The following CDC14A variants were observed in gnomAD, a reference collection of about 807,000 sequenced individuals.
CDC14A encodes the protein cell division cycle 14A, also known as dual specificity protein phosphatase CDC14A.
CDC14A carries 53 observed loss-of-function variants against 74.4 expected under a neutral mutation model. The ratio of observed to expected loss-of-function variants is 0.71; its 90% CI spans 0.57 to 0.89. CDC14A has a LOEUF of 0.89. Among genes scored for constraint, CDC14A ranks in the 40% least tolerant of loss-of-function variants. CDC14A has a pLI of 0.00. For missense variants in CDC14A, 646 were observed against 713.7 expected, an observed-to-expected ratio of 0.91 and a Z score of 1.08; for synonymous variants, 247 against 258.4, an observed-to-expected ratio of 0.96 and a Z score of 0.43.
At chr1:100,412,714 ATATATATAT>A (rs1452640025) in intron 4 of CDC14A, among the ~76,000 whole-genome samples, 1 of 100,888 alleles carries the variant, frequency 9.9e-6, no homozygotes, top group African/African-American at 6.0e-5. Flanking sequence ...ATATATATAT[ATATATATAT>A]TTTATATATA....
intron 5 of CDC14A, among the ~76,000 whole-genome samples, chr1:100,425,951 G>A (rs1662916569): frequency 6.6e-6 from 1 of 152,162 alleles, no homozygotes; most frequent in South Asian, 2.1e-4. Flanking sequence ...TAAGTATCTC[G>A]GACAAATTAC....
At chr1:100,462,291 G>A (rs1440175715) in intron 8 of CDC14A, 1 of 248,516 alleles carries the variant, frequency 4.0e-6, no homozygotes. Flanking sequence ...AGAGAATAAA[G>A]CTCAAGAGAG....
chr1:100,399,142 A>G (rs1329360169), intron 4 of CDC14A, among the ~76,000 whole-genome samples: 1 of 152,198 alleles, frequency 6.6e-6, no homozygotes, highest in Non-Finnish European at 1.5e-5. Flanking sequence ...ATTCTCTCGC[A>G]GTTCTAAACC....
intron 9 of CDC14A, among the ~76,000 whole-genome samples, chr1:100,465,946 T>C (rs886646431): frequency 5.9e-5 from 9 of 152,238 alleles, no homozygotes; most frequent in African/African-American, 2.2e-4. Flanking sequence ...TTACAAATGC[T>C]TAAAAAATTT....
At chr1:100,445,129 A>G (rs1192744989) in intron 7 of CDC14A, among the ~76,000 whole-genome samples, 1 of 152,192 alleles carries the variant, frequency 6.6e-6, no homozygotes, top group Non-Finnish European at 1.5e-5. Flanking sequence ...CTTATCTTGG[A>G]ATGATTTCTA....
intron 4 of CDC14A, chr1:100,391,062 C>A (rs1217222431): frequency 9.5e-6 from 5 of 523,814 alleles, no homozygotes; most frequent in Non-Finnish European, 1.4e-5. Context: ...GCTTGAATTC[C>A]ACAGTTATAT....
chr1:100,381,538 A>G (rs1044644910), intron 3 of CDC14A, among the ~76,000 whole-genome samples: 1 of 152,110 alleles, frequency 6.6e-6, no homozygotes, highest in Non-Finnish European at 1.5e-5. Context: ...CTTTATATAG[A>G]TAGGTAATAT....
At chr1:100,485,290 A>T (rs1201994647) in intron 11 of CDC14A, 2 of 985,236 alleles carry the variant, frequency 2.0e-6, no homozygotes, top group African/African-American at 1.7e-5. Context: ...TGGGCATTCA[A>T]TTCCTAGTTT....
chr1:100,346,553 G>A (rs1658944480), intron 1 of CDC14A, among the ~76,000 whole-genome samples: 1 of 150,988 alleles, frequency 6.6e-6, no homozygotes, highest in South Asian at 2.1e-4. Flanking sequence ...AATCATTCAA[G>A]CTTAGGAGGT....
At chr1:100,461,371 A>G (rs1258723413) in intron 8 of CDC14A, among the ~76,000 whole-genome samples, 2 of 152,266 alleles carry the variant, frequency 1.3e-5, no homozygotes, top group Admixed American at 6.5e-5. Flanking sequence ...GCTGACTAGC[A>G]TAACAGGGAT....
chr1:100,392,543 A>G (rs1230942502), intron 4 of CDC14A, among the ~76,000 whole-genome samples: 3 of 152,052 alleles, frequency 2.0e-5, no homozygotes, highest in African/African-American at 7.2e-5. Context: ...TGTTCAGCAC[A>G]TATTAAGCTT....
intron 15 of CDC14A, among the ~76,000 whole-genome samples, chr1:100,504,219 A>G (rs1210293084): frequency 6.6e-6 from 1 of 152,252 alleles, no homozygotes; most frequent in Admixed American, 6.5e-5. Context: ...AACTTATTAT[A>G]GCCTGTAATA....
intron 6 of CDC14A, among the ~76,000 whole-genome samples, chr1:100,441,108 T>G (rs1664880111): frequency 6.6e-6 from 1 of 152,236 alleles, no homozygotes; most frequent in African/African-American, 2.4e-5. Flanking sequence ...TTCTACCATC[T>G]GCTACAGGCC....
intron 4 of CDC14A, chr1:100,393,084 A>G (rs1228247016): frequency 1.4e-6 from 2 of 1,436,040 alleles, no homozygotes; most frequent in Non-Finnish European, 2.0e-6. Context: ...GTTGCTGTTT[A>G]ATTTGATAGA....
chr1:100,499,159 C>A lies in CDC14A; in HGVS notation c.1652C>A (p.Pro551Gln). 1.2e-6 allele frequency: 2 copies of A among 1,614,174 alleles called. No homozygotes were observed. The highest frequency in any genetic ancestry group is 1.7e-6 in the Non-Finnish European group (2 of 1,180,022). Residue 551 changes from proline (P) to glutamine (Q), a missense_variant, in exon 15 of 16, where the codon CCA becomes CAA. Pro to Gln is a moderately conservative substitution (Grantham distance 76). Coordinates refer to ENST00000336454, the MANE Select transcript of CDC14A (RefSeq NM_003672.4). Reference protein sequence around the residue: ...NSNGGNLNSPPGPHSAKTEEH... With the variant: ...NSNGGNLNSPQGPHSAKTEEH... ...AACGGGGGCAACCTGAACAGCCCCC[C>A]AGGCCCCCACAGCGCCAAGACAGAG...
At chr1:100,444,614 C>G (rs1057030161) in intron 7 of CDC14A, among the ~76,000 whole-genome samples, 3 of 152,132 alleles carry the variant, frequency 2.0e-5, no homozygotes, top group African/African-American at 4.8e-5. Flanking sequence ...GTTGCTTTTT[C>G]CCAGATTCCC....
In CDC14A at chr1:100,520,121, TATAG is replaced by T. The variant is rs1474304380; in HGVS notation, c.*1843_*1846del. The stretch of plus-strand genomic sequence containing the variant: ...CACACCAAGAAGTGGATGTATATAA[TATAG>T]AAAGTATATAGCAAAGTAATTTTAC... On this transcript the variant is annotated 3_prime_UTR_variant, in exon 16 of 16. Transcript: ENST00000336454. The T allele has an allele frequency of 1.3e-5, 2 of 152,560 alleles. No homozygotes were observed. Among genetic ancestry groups the T allele is most frequent in the Non-Finnish European group, 2.9e-5 (2 of 67,958 alleles). 9.5% of individuals were successfully genotyped at this position (152,560 alleles called of 1,614,324 possible). A position where few individuals can be genotyped will look rare whatever the true frequency, so the allele number is the denominator to read the frequency against.
intron 2 of CDC14A, among the ~76,000 whole-genome samples, chr1:100,355,793 T>C (rs892793542): frequency 7.2e-5 from 11 of 152,204 alleles, no homozygotes; most frequent in Admixed American, 5.2e-4. Flanking sequence ...TGAATGCATA[T>C]GTTACCTTCA....
At position 100,353,069 on chromosome 1, in the gene CDC14A, C is replaced by G. The variant is rs1355285556; in HGVS notation, c.49+66C>G. 5.9e-6 allele frequency: 9 copies of G among 1,535,396 alleles called. No individual in the cohort carries two copies. In the African/African-American group the frequency reaches 8.2e-5, roughly 14 times the overall value. ...CCCCAACTCTTCACTTCCCGCGCCA[C>G]TGTCCCCACCTTCTCCTGAGGCTGC... On this transcript the variant is annotated intron_variant, in intron 1 of 15. Transcript: ENST00000336454.
Sources: gnomAD v4.1 joint callset for allele counts (sites outside exome capture counted in the v4.1 genomes callset) on GRCh38, gnomAD v4.1.1 for gene constraint, MANE v1.5 for transcripts, NCBI Gene and HGNC (gene_info 2026-07-23, HGNC 2026-07-21) for gene names.